NDST4: variants seen among roughly 807,000 people sequenced by gnomAD.
NDST4 encodes N-heparan sulfate sulfotransferase 4.
Under a neutral mutation model 100.8 loss-of-function variants are expected in NDST4, and 63 were observed. That is an observed-to-expected ratio of 0.62 (90% confidence interval 0.51 to 0.77). NDST4 has a LOEUF of 0.77. Ranked by LOEUF, NDST4 falls within the 30% of genes least tolerant of loss-of-function variation. NDST4 has a pLI of 0.00. For synonymous variants in NDST4, 377 were observed against 361.8 expected (o/e 1.04, Z -0.48); for missense variants, 943 against 1,018.4 (o/e 0.93, Z 1.01).
At chr4:115,028,566 C>CAA (rs557583232) in intron 2 of NDST4, among the ~76,000 whole-genome samples, 60 of 130,514 alleles carry the variant, frequency 4.6e-4, no homozygotes, top group African/African-American at 1.1e-3. Flanking sequence ...AAGAGAATAC[C>CAA]AAAAAAAAAA....
chr4:114,913,477 G>T (rs1479757197), intron 6 of NDST4, among the ~76,000 whole-genome samples: 1 of 151,972 alleles, frequency 6.6e-6, no homozygotes, highest in Non-Finnish European at 1.5e-5. Flanking sequence ...TGATTTGGGT[G>T]ATCCTAATAG....
At chr4:115,016,124 T>C (rs749040113) in intron 2 of NDST4, among the ~76,000 whole-genome samples, 2 of 152,076 alleles carry the variant, frequency 1.3e-5, no homozygotes, top group African/African-American at 2.4e-5. Context: ...AGTCACTTCA[T>C]AGCAAATAAA....
intron 7 of NDST4, among the ~76,000 whole-genome samples, chr4:114,867,646 T>TAAAAAAAAAAAAAAAAAACAAAAAAAAAA (rs761173470): frequency 3.7e-5 from 1 of 26,776 alleles, no homozygotes; most frequent in Non-Finnish European, 1.0e-4. Flanking sequence ...ATGAGAATTA[T>TAAAAAAAAAAAAAAAAAACAAAAAAAAAA]AAAAAAAAAA....
intron 1 of NDST4, among the ~76,000 whole-genome samples, chr4:115,097,675 A>G (rs1729647790): frequency 6.6e-6 from 1 of 152,106 alleles, no homozygotes; most frequent in South Asian, 2.1e-4. Context: ...TACATTGACC[A>G]GGGTCCTCAT....
Position 115,076,823 on chromosome 4 carries a change from C to T in NDST4, c.214G>A (p.Asp72Asn). ...ACAGTAGGGTCCGTTTTGGATGTGTCAATAGGTTTAACTGTTTTCAGCTCC... is the reference window on the plus strand; with the variant it reads ...ACAGTAGGGTCCGTTTTGGATGTGTTAATAGGTTTAACTGTTTTCAGCTCC... ...SMELKTVKPI[D>N]TSKTDPTVLL... Residue 72 changes from aspartate to asparagine, a missense_variant, in exon 2 of 14, where the codon GAC becomes AAC. Coordinates refer to ENST00000264363, the MANE Select transcript of NDST4 (RefSeq NM_022569.3). 1 of 1,613,842 alleles carries T rather than the reference C, an allele frequency of 6.2e-7. No homozygotes were observed. Among genetic ancestry groups the T allele is most frequent in the Non-Finnish European group, 8.5e-7 (1 of 1,179,902 alleles).
At chr4:114,984,698 A>G (rs279512) in intron 2 of NDST4, among the ~76,000 whole-genome samples, 64,061 of 151,934 alleles carry the variant, frequency 0.42, 14,751 homozygotes, top group African/African-American at 0.62. Flanking sequence ...CAAGAAGAAG[A>G]CCAAAATTGA....
chr4:115,022,662 C>T (rs545841620), intron 2 of NDST4, among the ~76,000 whole-genome samples: 3 of 152,150 alleles, frequency 2.0e-5, no homozygotes, highest in African/African-American at 4.8e-5. Context: ...TGTCCCCACC[C>T]GAATCTCATC....
chr4:115,071,417 A>C (rs1729076005), intron 2 of NDST4, among the ~76,000 whole-genome samples: 1 of 152,106 alleles, frequency 6.6e-6, no homozygotes. Flanking sequence ...GCCAAGGAAG[A>C]GTCCAGTTAC....
chr4:115,024,826 C>T (rs902841725), intron 2 of NDST4, among the ~76,000 whole-genome samples: 1 of 152,100 alleles, frequency 6.6e-6, no homozygotes, highest in African/African-American at 2.4e-5. Context: ...AATATAATTG[C>T]CATTGTGATG....
In NDST4 at chr4:115,039,501, T is replaced by G. The variant is rs149200211; in HGVS notation, c.978+36558A>C. Among the ~76,000 whole-genome samples the G allele has an allele frequency of 7.9e-5, 12 of 152,172 alleles. No individual in the cohort carries two copies. The East Asian group carries it at 2.3e-3, about 29-fold the overall frequency. On this transcript the variant is annotated intron_variant, in intron 2 of 13. Coordinates refer to ENST00000264363, the MANE Select transcript of NDST4 (RefSeq NM_022569.3). ...AGAAGTGAAAATAGGACAAATAAAT[T>G]GATATAAAAGATGTGTGTGCATTAT...
chr4:115,003,402 A>T (rs1383720380), intron 2 of NDST4, among the ~76,000 whole-genome samples: 1 of 152,154 alleles, frequency 6.6e-6, no homozygotes, highest in African/African-American at 2.4e-5. Flanking sequence ...AAGCTGATGC[A>T]TGATTACAAG....
At chr4:114,950,542 A>G (rs993141594) in intron 4 of NDST4, among the ~76,000 whole-genome samples, 11 of 152,066 alleles carry the variant, frequency 7.2e-5, no homozygotes, top group Non-Finnish European at 1.3e-4. Flanking sequence ...CAACTCTGTA[A>G]AAATGTAAAA....
intron 4 of NDST4, among the ~76,000 whole-genome samples, chr4:114,969,156 AC>A (rs1478777057): frequency 6.6e-6 from 1 of 151,996 alleles, no homozygotes; most frequent in Non-Finnish European, 1.5e-5. Context: ...TACTAAAAAT[AC>A]AAAAAAATTA....
chr4:115,088,372 T>C (rs1301982948), intron 1 of NDST4, among the ~76,000 whole-genome samples: 2 of 151,842 alleles, frequency 1.3e-5, no homozygotes, highest in African/African-American at 2.4e-5. Context: ...CTCTCTCTTC[T>C]AGGGACTTTA....
intron 4 of NDST4, among the ~76,000 whole-genome samples, chr4:114,948,013 T>A (rs1300837115): frequency 6.6e-6 from 1 of 152,086 alleles, no homozygotes. Context: ...ATTTCCAAAC[T>A]TTTTGGATCC....
intron 8 of NDST4, among the ~76,000 whole-genome samples, chr4:114,850,342 A>G (rs926450666): frequency 9.2e-5 from 14 of 152,118 alleles, no homozygotes; most frequent in Admixed American, 2.6e-4. Context: ...TTCTGCACAC[A>G]TACCTTCATG....
intron 1 of NDST4, among the ~76,000 whole-genome samples, chr4:115,089,673 T>C (rs986677461): frequency 6.6e-6 from 1 of 151,974 alleles, no homozygotes; most frequent in Non-Finnish European, 1.5e-5. Flanking sequence ...CCTTCAAGCA[T>C]AACCCAATAC....
intron 4 of NDST4, among the ~76,000 whole-genome samples, chr4:114,939,039 T>C (rs1725693272): frequency 6.6e-6 from 1 of 152,180 alleles, no homozygotes; most frequent in Admixed American, 6.5e-5. Flanking sequence ...TAAAAGTACT[T>C]GGAAACTACC....
chr4:114,867,664 G>GTAAAAAAAA (rs1491405935), intron 7 of NDST4, among the ~76,000 whole-genome samples: 1 of 26,082 alleles, frequency 3.8e-5, no homozygotes, highest in Admixed American at 4.8e-4. Context: ...AAAAAAAAAA[G>GTAAAAAAAA]CAAAAAAAAA....
Sources: allele counts gnomAD v4.1 joint callset (sites outside exome capture counted in the v4.1 genomes callset), GRCh38; gene constraint gnomAD v4.1.1; transcripts MANE v1.5; gene names NCBI Gene and HGNC (gene_info 2026-07-23, HGNC 2026-07-21).